Variants in ATG16L1 observed in about 807,000 individuals in gnomAD.
ATG16L1 encodes the protein autophagy-related protein 16-1.
A neutral mutation model predicts 88.5 loss-of-function variants in ATG16L1; 37 were observed. That is an observed-to-expected ratio of 0.42 (90% CI 0.32 to 0.55). The LOEUF (loss-of-function observed/expected upper bound fraction) is 0.55, where lower values mean the gene tolerates loss of function less well. Ranked by LOEUF, ATG16L1 falls within the 20% of genes least tolerant of loss-of-function variation. The probability of loss-of-function intolerance (pLI) is 0.13; values close to 1 mark genes in which losing one functional copy is unlikely to be tolerated. For synonymous variants in ATG16L1, 301 were observed against 281.0 expected, an observed-to-expected ratio of 1.07 and a Z score of -0.71; for missense variants, 554 against 752.8, an observed-to-expected ratio of 0.74 and a Z score of 3.09.
At chr2:233,292,687 A>G (rs1699544716) in intron 16 of ATG16L1, among the ~76,000 whole-genome samples, 1 of 152,222 alleles carries the variant, frequency 6.6e-6, no homozygotes, top group Non-Finnish European at 1.5e-5. Flanking sequence ...GGGTGAGCCC[A>G]TTAGGTTCAC....
chr2:233,287,827 G>C (rs1376496365), intron 12 of ATG16L1, among the ~76,000 whole-genome samples: 1 of 152,200 alleles, frequency 6.6e-6, no homozygotes, highest in Non-Finnish European at 1.5e-5. Flanking sequence ...GCAGTGAGCT[G>C]AGATCACGCC....
intron 2 of ATG16L1, among the ~76,000 whole-genome samples, chr2:233,262,489 C>T (rs1697285758): frequency 6.6e-6 from 1 of 152,190 alleles, no homozygotes; most frequent in Non-Finnish European, 1.5e-5. Context: ...TCCTCTGTCC[C>T]CCTGTGCCTG....
intron 1 of ATG16L1, among the ~76,000 whole-genome samples, chr2:233,253,332 GTTTTTTTGTTTTTTTTT>G (rs1196727179): frequency 5.3e-5 from 6 of 112,888 alleles, no homozygotes; most frequent in Non-Finnish European, 1.1e-4. Flanking sequence ...GTGAGACTGG[GTTTTTTTGTTTTTTTTT>G]TTTTTTTTTT....
chr2:233,252,937 T>C (rs6738490), intron 1 of ATG16L1, among the ~76,000 whole-genome samples: 66,539 of 152,054 alleles, frequency 0.44, 15,254 homozygotes, highest in Non-Finnish European at 0.52. Context: ...TACCTTATAT[T>C]GCATTCTGAT....
intron 9 of ATG16L1, among the ~76,000 whole-genome samples, chr2:233,275,069 G>T (rs991784755): frequency 1.3e-5 from 2 of 152,186 alleles, no homozygotes; most frequent in South Asian, 2.1e-4. Context: ...ATGGGAGAGG[G>T]ATTTATATAA....
At chr2:233,253,332 G>GTGTTTTTTTTTTTTTTTTTTTTTTTTTTT (rs1696521168) in intron 1 of ATG16L1, among the ~76,000 whole-genome samples, 1 of 112,890 alleles carries the variant, frequency 8.9e-6, no homozygotes, top group African/African-American at 3.3e-5. Context: ...GTGAGACTGG[G>GTGTTTTTTTTTTTTTTTTTTTTTTTTTTT]TTTTTTTGTT....
chr2:233,272,580 T>C (rs1412196168), intron 6 of ATG16L1, among the ~76,000 whole-genome samples: 6 of 152,190 alleles, frequency 3.9e-5, no homozygotes, highest in African/African-American at 1.2e-4. Flanking sequence ...ATGGGAACTG[T>C]GCTTGGTGAG....
chr2:233,292,329 C>G (rs78424214), intron 15 of ATG16L1, 52 bp downstream of exon 15: 537 of 1,610,360 alleles, frequency 3.3e-4, no homozygotes, highest in Non-Finnish European at 4.4e-4. Context: ...GCCCTGCTCT[C>G]TTAACGTGCT....
chr2:233,272,905 G>A (rs559698486), intron 6 of ATG16L1, 61 bp from the exon 7 acceptor site: 9 of 1,436,082 alleles, frequency 6.3e-6, no homozygotes, highest in Admixed American at 1.7e-5. Context: ...TAGCATTTGC[G>A]GAACCGATTA....
intron 3 of ATG16L1, 59 bp downstream of exon 3, chr2:233,263,294 C>A: frequency 6.7e-7 from 1 of 1,482,600 alleles, no homozygotes; most frequent in Non-Finnish European, 9.3e-7. Flanking sequence ...CTGTGGGGAG[C>A]GGGGGAGCTC....
intron 9 of ATG16L1, chr2:233,277,021 C>T (rs1466134065): frequency 1.3e-5 from 2 of 152,460 alleles, no homozygotes; most frequent in Non-Finnish European, 2.9e-5. Context: ...ACACACTAGT[C>T]CCATAATGTT....
chr2:233,263,307 T>C (rs1574852257), intron 3 of ATG16L1, 72 bp downstream of exon 3: 1 of 1,364,940 alleles, frequency 7.3e-7, no homozygotes, highest in Admixed American at 1.9e-5. Context: ...GGGAGCTCAG[T>C]CACTTCTCAC....
chr2:233,292,490 G>A, intron 16 of ATG16L1, 56 bp downstream of exon 16: 1 of 1,607,542 alleles, frequency 6.2e-7, no homozygotes, highest in African/African-American at 1.3e-5. Context: ...TCCTGCATGG[G>A]CATTTTCCCA....
chr2:233,257,897 C>T (rs978534777), intron 2 of ATG16L1, among the ~76,000 whole-genome samples: 3 of 151,580 alleles, frequency 2.0e-5, no homozygotes, highest in Middle Eastern at 3.4e-3. Context: ...CCCAGCTACC[C>T]GGGAGGTTGA....
chr2:233,291,052 T>C (rs2125299131), intron 14 of ATG16L1, among the ~76,000 whole-genome samples: 1 of 152,174 alleles, frequency 6.6e-6, no homozygotes, highest in East Asian at 1.9e-4. Context: ...TAGAGGAACA[T>C]GTGGAGGAGA....
chr2:233,272,955 T>C lies in ATG16L1; in HGVS notation c.708-11T>C. 6.2e-7 allele frequency: 1 copy of C among 1,609,818 alleles called. No homozygotes were observed. The highest frequency in any genetic ancestry group is 8.5e-7 in the Non-Finnish European group (1 of 1,176,088). The stretch of plus-strand genomic sequence containing the variant: ...CAGGAGAATCAAAGAATGTCTTGCC[T>C]TTCTTTCCAGGGATGATGACATTGA... On this transcript the variant is annotated splice_polypyrimidine_tract_variant and intron_variant, in intron 6 of 17. Coordinates refer to ENST00000392017, the MANE Select transcript of ATG16L1 (RefSeq NM_030803.7).
At chr2:233,262,626 A>G (rs1272376977) in intron 2 of ATG16L1, among the ~76,000 whole-genome samples, 1 of 151,950 alleles carries the variant, frequency 6.6e-6, no homozygotes, top group African/African-American at 2.4e-5. Flanking sequence ...TCACTTCCTT[A>G]CAGTCTCTAG....
intron 14 of ATG16L1, among the ~76,000 whole-genome samples, chr2:233,291,462 T>C (rs567805726): frequency 2.0e-5 from 3 of 152,152 alleles, no homozygotes; most frequent in Non-Finnish European, 4.4e-5. Context: ...AAATTCTTGC[T>C]TAGTTAAGGT....
intron 1 of ATG16L1, among the ~76,000 whole-genome samples, chr2:233,252,615 T>A (rs1159434816): frequency 6.6e-6 from 1 of 152,122 alleles, no homozygotes; most frequent in African/African-American, 2.4e-5. Flanking sequence ...CTCCAACTCC[T>A]GCGCTCAAAC....
Sources: allele counts gnomAD v4.1 joint callset (sites outside exome capture counted in the v4.1 genomes callset), GRCh38; gene constraint gnomAD v4.1.1; transcripts MANE v1.5; gene names NCBI Gene and HGNC (gene_info 2026-07-23, HGNC 2026-07-21).